FBXL14: variants seen among roughly 807,000 people sequenced by gnomAD.
The protein encoded by FBXL14 is F-box/LRR-repeat protein 14.
A neutral mutation model predicts 24.5 loss-of-function variants in FBXL14; 11 were observed. The ratio of observed to expected loss-of-function variants is 0.45; its 90% confidence interval spans 0.28 to 0.74. The LOEUF is 0.74. Ranked by LOEUF, FBXL14 falls within the 30% of genes least tolerant of loss-of-function variation. The pLI is 0.12. For synonymous variants in FBXL14, 294 were observed against 240.4 expected, an observed-to-expected ratio of 1.22 and a Z score of -2.06; for missense variants, 384 against 545.6, an observed-to-expected ratio of 0.70 and a Z score of 2.95.
intron 1 of FBXL14, among the ~76,000 whole-genome samples, chr12:1,574,119 C>T (rs992335658): frequency 2.0e-4 from 30 of 151,922 alleles, no homozygotes; most frequent in African/African-American, 7.0e-4. Context: ...GTAATTGGGA[C>T]CACTGTAATG....
chr12:1,573,574 G>A (rs1458396019), intron 1 of FBXL14, among the ~76,000 whole-genome samples: 2 of 152,210 alleles, frequency 1.3e-5, no homozygotes, highest in African/African-American at 4.8e-5. Flanking sequence ...AGGCAGCTGA[G>A]GGGCACAGAG....
In FBXL14 at chr12:1,579,163, A is replaced by C. The variant is rs977015655; in HGVS notation, c.1195-12353T>G. Among the ~76,000 whole-genome samples, 4 of 152,128 alleles carry C rather than the reference A, an allele frequency of 2.6e-5. No homozygotes were observed. Among genetic ancestry groups the C allele is most frequent in the African/African-American group, 9.6e-5 (4 of 41,454 alleles). On this transcript the variant is annotated intron_variant, in intron 1 of 1. Coordinates refer to ENST00000339235, the MANE Select transcript of FBXL14 (RefSeq NM_152441.3). The surrounding 1 kb of genome is among the most constrained non-coding windows in gnomAD (Gnocchi z 4.3). Reference sequence around the variant, plus strand: ...CATAAAATACGAATATGATCTTTGCATTAAGTATTAAATATAATACCTTCA... The same window carrying C: ...CATAAAATACGAATATGATCTTTGCCTTAAGTATTAAATATAATACCTTCA...
chr12:1,572,584 C>G (rs931140639), intron 1 of FBXL14, among the ~76,000 whole-genome samples: 1 of 152,102 alleles, frequency 6.6e-6, no homozygotes, highest in East Asian at 1.9e-4. Context: ...TTGGAGAAAT[C>G]GTGACTGCAG....
At chr12:1,581,139 C>T (rs2094465478) in intron 1 of FBXL14, among the ~76,000 whole-genome samples, 2 of 151,796 alleles carry the variant, frequency 1.3e-5, no homozygotes, top group South Asian at 2.1e-4. Context: ...TCTTCATAGA[C>T]GGCGACAGGA....
intron 1 of FBXL14, among the ~76,000 whole-genome samples, chr12:1,573,555 C>T (rs1390098708): frequency 1.3e-5 from 2 of 152,140 alleles, no homozygotes; most frequent in Non-Finnish European, 2.9e-5. Flanking sequence ...GTGCCGATAC[C>T]GGAGGCTCAG....
intron 1 of FBXL14, among the ~76,000 whole-genome samples, chr12:1,576,009 A>C (rs1212027869): frequency 6.6e-6 from 1 of 152,220 alleles, no homozygotes; most frequent in Admixed American, 6.5e-5. Flanking sequence ...AATTGTGTGC[A>C]ATGCCTCAGC....
Position 1,566,202 on chromosome 12 carries a change from C to T in FBXL14, c.*546G>A, listed in dbSNP as rs1027877309. 1 of 152,588 alleles carries T rather than the reference C, an allele frequency of 6.6e-6. No individual in the cohort carries two copies. The highest frequency in any genetic ancestry group is 1.5e-5 in the Non-Finnish European group (1 of 68,046). 9.5% of individuals were successfully genotyped at this position (152,588 alleles called of 1,614,324 possible). A position where few individuals can be genotyped will look rare whatever the true frequency, so the allele number is the denominator to read the frequency against. On this transcript the variant is annotated 3_prime_UTR_variant, in exon 2 of 2. Coordinates refer to ENST00000339235, the MANE Select transcript of FBXL14 (RefSeq NM_152441.3). ...GGGAATGAAATACGTAGACATTCCT[C>T]TATCTCATGGGGAAACTGCTAGGCA... is the stretch of plus-strand genomic sequence containing the variant.
At chr12:1,574,670 C>T (rs1395515517) in intron 1 of FBXL14, 1 of 181,862 alleles carries the variant, frequency 5.5e-6, no homozygotes, top group Non-Finnish European at 1.2e-5. Flanking sequence ...TGCTCCAGAT[C>T]CTCAGTGTTC....
intron 1 of FBXL14, among the ~76,000 whole-genome samples, chr12:1,588,064 A>G (rs2094480637): frequency 6.6e-6 from 1 of 152,236 alleles, no homozygotes; most frequent in Admixed American, 6.5e-5. Flanking sequence ...AGAACACAGC[A>G]GAGATCAGAG....
intron 1 of FBXL14, among the ~76,000 whole-genome samples, chr12:1,589,863 G>T (rs1026802322): frequency 2.6e-5 from 4 of 152,272 alleles, no homozygotes; most frequent in African/African-American, 9.6e-5. Context: ...TTAGTCAAGC[G>T]TATATTTAAC....
chr12:1,580,352 A>G (rs954016591), intron 1 of FBXL14, among the ~76,000 whole-genome samples: 2 of 152,196 alleles, frequency 1.3e-5, no homozygotes, highest in South Asian at 2.1e-4. Flanking sequence ...AAGGGCTTAA[A>G]TGGGGTCAGA....
At chr12:1,592,683 A>G (rs1183272122) in intron 1 of FBXL14, among the ~76,000 whole-genome samples, 190 bp downstream of exon 1, 2 of 152,132 alleles carry the variant, frequency 1.3e-5, no homozygotes. Context: ...AGCTGCAAAG[A>G]GAATGGGCTG....
At chr12:1,574,458 C>G (rs12812358) in intron 1 of FBXL14, among the ~76,000 whole-genome samples, 307 of 7,994 alleles carry the variant, frequency 0.038, 2 homozygotes, top group East Asian at 0.12. Flanking sequence ...TGGTGGCAGC[C>G]GTGTGGGTGG....
chr12:1,594,564 G>A lies in FBXL14; in HGVS notation c.-498C>T, dbSNP rs1392114301. 6.7e-6 allele frequency among the ~76,000 whole-genome samples: 1 copy of A among 148,420 alleles called. No homozygotes were observed. Among genetic ancestry groups the A allele is most frequent in the Non-Finnish European group, 1.5e-5 (1 of 66,520 alleles). On this transcript the variant is annotated 5_prime_UTR_variant, in exon 1 of 2. Coordinates refer to ENST00000339235, the MANE Select transcript of FBXL14 (RefSeq NM_152441.3). Reference sequence around the variant, plus strand: ...GCGGAGGAGGCTTCCTGCTGCCTTTGTCTCTCGCCCGCTTTTCAAACCTCC... The same window carrying A: ...GCGGAGGAGGCTTCCTGCTGCCTTTATCTCTCGCCCGCTTTTCAAACCTCC...
At chr12:1,584,548 T>C (rs576257550) in intron 1 of FBXL14, among the ~76,000 whole-genome samples, 39 of 152,358 alleles carry the variant, frequency 2.6e-4, no homozygotes, top group African/African-American at 8.9e-4. Flanking sequence ...GCAGGGCATC[T>C]GTCTCAAGTG....
At chr12:1,577,105 G>A (rs1447881339) in intron 1 of FBXL14, among the ~76,000 whole-genome samples, 1 of 152,216 alleles carries the variant, frequency 6.6e-6, no homozygotes, top group African/African-American at 2.4e-5. Flanking sequence ...TCCTTCCCGG[G>A]AAGAAACTTC....
intron 1 of FBXL14, among the ~76,000 whole-genome samples, chr12:1,570,801 T>C (rs2094444183): frequency 6.6e-6 from 1 of 151,404 alleles, no homozygotes; most frequent in African/African-American, 2.4e-5. Flanking sequence ...GACCAAGCGG[T>C]AGTAATTCTC....
At chr12:1,573,470 C>T (rs759180383) in intron 1 of FBXL14, among the ~76,000 whole-genome samples, 5 of 152,186 alleles carry the variant, frequency 3.3e-5, no homozygotes, top group Non-Finnish European at 7.3e-5. Context: ...GAATGCCACC[C>T]CAGCCACGCA....
chr12:1,568,703 A>T (rs965865528), intron 1 of FBXL14, among the ~76,000 whole-genome samples: 2 of 152,114 alleles, frequency 1.3e-5, no homozygotes, highest in African/African-American at 4.8e-5. Context: ...TCTACTAAAA[A>T]TACAAAAATT....
Sources: gnomAD v4.1 joint callset for allele counts (sites outside exome capture counted in the v4.1 genomes callset) on GRCh38, gnomAD v4.1.1 for gene constraint, Gnocchi (gnomAD v3.1) non-coding constraint, MANE v1.5 for transcripts, NCBI Gene and HGNC (gene_info 2026-07-23, HGNC 2026-07-21) for gene names.